The following SLC26A11 variants were observed in gnomAD, a reference collection of about 807,000 sequenced individuals.
The protein encoded by SLC26A11 is solute carrier family 26 member 11, also known as sodium-independent sulfate anion transporter.
In SLC26A11, 58 loss-of-function variants were observed where a neutral mutation model predicts 62.2. The observed-to-expected ratio is 0.93, with a 90% CI of 0.76 to 1.16. The LOEUF (loss-of-function observed/expected upper bound fraction) is 1.16, where lower values mean the gene tolerates loss of function less well. Among genes scored for constraint, SLC26A11 ranks in the 50% most tolerant of loss-of-function variants. SLC26A11 has a pLI of 0.00. For synonymous variants in SLC26A11, 411 were observed against 368.9 expected (o/e 1.11, Z -1.31); for missense variants, 790 against 794.3 (o/e 0.99, Z 0.06).
chr17:80,241,026 G>T (rs1050452545), intron 9 of SLC26A11, among the ~76,000 whole-genome samples: 1 of 151,318 alleles, frequency 6.6e-6, no homozygotes, highest in Non-Finnish European at 1.5e-5. Flanking sequence ...GATCACTTGA[G>T]CCCAGGAGGT....
In SLC26A11 at chr17:80,227,782, G is replaced by T. The variant is rs115142095; in HGVS notation, c.594-36G>T. 9.4e-3 allele frequency: 15,043 copies of T among 1,596,572 alleles called. 87 individuals carry two copies. The highest frequency in any genetic ancestry group is 0.012 in the Non-Finnish European group (13,605 of 1,175,156). On this transcript the variant is annotated intron_variant, in intron 6 of 17. Transcript: ENST00000361193. ...CTTGAGTCAGCAGTAGGCCTGGGCC[G>T]AGCTGGGTGGTGACCAGTCCTCTGC... is the stretch of plus-strand genomic sequence containing the variant.
In SLC26A11 at chr17:80,222,731, C is replaced by G. The variant is rs1234386670; in HGVS notation, c.311C>G (p.Pro104Arg). The G allele has an allele frequency of 2.5e-6, 4 of 1,614,048 alleles. No individual in the cohort carries two copies. In the Admixed American group the frequency reaches 5.0e-5, roughly 20 times the overall value. Residue 104 changes from proline (P) to arginine (R), a missense_variant, in exon 4 of 18, where the codon CCC becomes CGC. By Grantham distance (103) the Pro-to-Arg change is moderately radical (BLOSUM62 -2). Transcript: ENST00000361193. This position sits in a 1 kb window ranked among gnomAD's most constrained non-coding sequence, Gnocchi z 4.7. ...LGTSRDVTLG[P>R]TAIMSLLVSF... is the part of the protein sequence containing the mutation. Reference sequence around the variant, plus strand: ...ACCTCCCGGGATGTGACTCTGGGCCCCACCGCCATTATGTCCCTCCTGGTC... The same window carrying G: ...ACCTCCCGGGATGTGACTCTGGGCCGCACCGCCATTATGTCCCTCCTGGTC...
chr17:80,225,904 T>C lies in SLC26A11; in HGVS notation c.581T>C (p.Ile194Thr), dbSNP rs765881805. ...FLQVYHTFLR[I>T]AETRVGDAVL... Reference sequence around the variant, plus strand: ...CAGGTGTACCACACCTTCCTCAGGATTGCAGAGACCAGGTACCCCGGGCTT... The same window carrying C: ...CAGGTGTACCACACCTTCCTCAGGACTGCAGAGACCAGGTACCCCGGGCTT... The change falls in exon 6 of 18, where the codon ATT (isoleucine) becomes ACT (threonine). Residue 194 changes from isoleucine (I) to threonine (T), a missense_variant. Transcript: ENST00000361193. 11 of 1,613,832 alleles carry C rather than the reference T, an allele frequency of 6.8e-6. No individual in the cohort carries two copies. Among genetic ancestry groups the C allele is most frequent in the South Asian group, 3.3e-5 (3 of 91,078 alleles).
chr17:80,248,065 T>A, intron 13 of SLC26A11, 65 bp from the exon 14 acceptor site: 1 of 1,499,426 alleles, frequency 6.7e-7, no homozygotes, highest in Non-Finnish European at 8.9e-7. Context: ...GTCCCGCTGG[T>A]CAGCAGGGCC....
At chr17:80,247,448 C>T (rs1369699410) in intron 13 of SLC26A11, among the ~76,000 whole-genome samples, 21 of 152,152 alleles carry the variant, frequency 1.4e-4, no homozygotes, top group Non-Finnish European at 2.9e-4. Flanking sequence ...ACCTCCCGGA[C>T]GGGAGCAGTT....
chr17:80,246,167 G>A lies in SLC26A11; in HGVS notation c.1111G>A (p.Ala371Thr), dbSNP rs539743945. 1.9e-5 allele frequency: 31 copies of A among 1,613,176 alleles called. No individual in the cohort carries two copies. Among genetic ancestry groups the A allele is most frequent in the African/African-American group, 6.7e-5 (5 of 75,054 alleles). ...GTTGCCTTCCAGGACAGCCGTGAACGCTCAGTCGGGGGTGTGCACCCCGGC... is the reference window on the plus strand; with the variant it reads ...GTTGCCTTCCAGGACAGCCGTGAACACTCAGTCGGGGGTGTGCACCCCGGC... The part of the protein sequence containing the change: ...TGSFGRTAVN[A>T]QSGVCTPAGG... Residue 371 changes from alanine (A) to threonine (T), a missense_variant, in exon 12 of 18, where the codon GCT becomes ACT. Coordinates refer to ENST00000361193, the MANE Select transcript of SLC26A11 (RefSeq NM_001166347.2). The surrounding 1 kb of genome is among the most constrained non-coding windows in gnomAD (Gnocchi z 4.4).
At position 80,223,934 on chromosome 17, in the gene SLC26A11, A is replaced by G. The variant is rs1204378813; in HGVS notation, c.513+597A>G. Among the ~76,000 whole-genome samples, 1 of 152,186 alleles carries G rather than the reference A, an allele frequency of 6.6e-6. No individual in the cohort carries two copies. The highest frequency in any genetic ancestry group is 1.5e-5 in the Non-Finnish European group (1 of 68,034). On this transcript the variant is annotated intron_variant, in intron 5 of 17. Coordinates refer to ENST00000361193, the MANE Select transcript of SLC26A11 (RefSeq NM_001166347.2). The surrounding 1 kb of genome is among the most constrained non-coding windows in gnomAD (Gnocchi z 4.6). ...GGTAGGAACTGTCCTTCTCCCAGCCATGGCCGCCCAGCATTGGGCTGGTGC... is the reference window on the plus strand; with the variant it reads ...GGTAGGAACTGTCCTTCTCCCAGCCGTGGCCGCCCAGCATTGGGCTGGTGC...
chr17:80,225,851 A>G lies in SLC26A11; in HGVS notation c.528A>G (p.Leu176=). The change falls in exon 6 of 18, where the codon CTA becomes CTG. Residue 176 remains leucine (L), a synonymous_variant. Transcript: ENST00000361193. ...TGTTTGGACAGAACCTGCTGGGACT[A>G]CAGAACATCCCCAGGCCGTTCTTCC... ...GFGQIKNLLG[L]QNIPRPFFLQ... The G allele has an allele frequency of 6.2e-7, 1 of 1,613,936 alleles. No homozygotes were observed. The highest frequency in any genetic ancestry group is 8.5e-7 in the Non-Finnish European group (1 of 1,179,878).
Position 80,222,516 on chromosome 17 carries a change from C to T in SLC26A11, c.235-139C>T, listed in dbSNP as rs1248950366. The T allele has an allele frequency of 4.6e-6, 4 of 867,352 alleles. No homozygotes were observed. The highest frequency in any genetic ancestry group is 3.4e-5 in the African/African-American group (2 of 59,088). 53.7% of individuals were successfully genotyped at this position (867,352 alleles called of 1,614,324 possible). On this transcript the variant is annotated intron_variant, in intron 3 of 17. Coordinates refer to ENST00000361193, the MANE Select transcript of SLC26A11 (RefSeq NM_001166347.2). The surrounding 1 kb of genome is among the most constrained non-coding windows in gnomAD (Gnocchi z 4.7). ...GGCCTCCTGATCACTGCAGGTCCAC[C>T]CACAGGGCAGGGCGGTGCACCTTTA... is the stretch of plus-strand genomic sequence containing the variant.
intron 10 of SLC26A11, among the ~76,000 whole-genome samples, chr17:80,244,010 G>A (rs969877701): frequency 6.6e-6 from 1 of 152,166 alleles, no homozygotes; most frequent in Non-Finnish European, 1.5e-5. Flanking sequence ...GCCCTCCCAC[G>A]CCTGTATTTC....
chr17:80,234,207 G>A (rs1470710420), intron 7 of SLC26A11, among the ~76,000 whole-genome samples: 1 of 152,118 alleles, frequency 6.6e-6, no homozygotes, highest in African/African-American at 2.4e-5. Context: ...GTTTTGCCAT[G>A]TTGGCCAGGC....
intron 7 of SLC26A11, among the ~76,000 whole-genome samples, chr17:80,232,150 G>A (rs563485656): frequency 4.3e-4 from 66 of 152,006 alleles, no homozygotes; most frequent in African/African-American, 1.5e-3. Flanking sequence ...TTTTCTCTTG[G>A]AATGATACTT....
At chr17:80,238,298 A>C (rs1008480981) in intron 9 of SLC26A11, among the ~76,000 whole-genome samples, 2 of 152,204 alleles carry the variant, frequency 1.3e-5, no homozygotes, top group Non-Finnish European at 2.9e-5. Context: ...GGTGGCATTG[A>C]GCTGTGATAG....
At position 80,251,318 on chromosome 17, in the gene SLC26A11, C is replaced by G; in HGVS notation, c.1657-11C>G. On this transcript the variant is annotated splice_polypyrimidine_tract_variant and intron_variant, in intron 16 of 17. Transcript: ENST00000361193. ...CATCCCTGCCCTGGCTAAAGTCTGT[C>G]TGTCTCTCAGGTCCCCGTTCTCCGT... 1 of 1,614,068 alleles carries G rather than the reference C, an allele frequency of 6.2e-7. No individual in the cohort carries two copies. The highest frequency in any genetic ancestry group is 8.5e-7 in the Non-Finnish European group (1 of 1,179,966).
At chr17:80,239,077 A>ATT (rs111257231) in intron 9 of SLC26A11, among the ~76,000 whole-genome samples, 9 of 122,298 alleles carry the variant, frequency 7.4e-5, no homozygotes, top group Non-Finnish European at 1.1e-4. Context: ...CCTCCCAGTA[A>ATT]TTTTTTTTTT....
At position 80,253,048 on chromosome 17, in the gene SLC26A11, C is replaced by T. The variant is rs2043190655; in HGVS notation, c.*332C>T. ...TTCCAGCCCGGGCTGTGCGAGGCAT[C>T]CTGGGGCTGGCAGCACCTTCCCGGC... is the stretch of plus-strand genomic sequence containing the variant. On this transcript the variant is annotated 3_prime_UTR_variant, in exon 18 of 18. Coordinates refer to ENST00000361193, the MANE Select transcript of SLC26A11 (RefSeq NM_001166347.2). 2 of 180,408 alleles carry T rather than the reference C, an allele frequency of 1.1e-5. No individual in the cohort carries two copies. The highest frequency in any genetic ancestry group is 1.2e-4 in the Admixed American group (2 of 16,590). 11.2% of individuals were successfully genotyped at this position (180,408 alleles called of 1,614,324 possible). A position where few individuals can be genotyped will look rare whatever the true frequency, so the allele number is the denominator to read the frequency against.
intron 5 of SLC26A11, chr17:80,225,548 G>A (rs1416096596): frequency 3.0e-6 from 1 of 337,500 alleles, no homozygotes; most frequent in African/African-American, 2.1e-5. Context: ...CTGCTGTGGG[G>A]TCACCTACAT....
chr17:80,234,251 C>T (rs1358932799), intron 7 of SLC26A11, among the ~76,000 whole-genome samples: 1 of 152,108 alleles, frequency 6.6e-6, no homozygotes, highest in Non-Finnish European at 1.5e-5. Context: ...GTGATCCGCC[C>T]TCCTTGGCCT....
chr17:80,245,232 A>T lies in SLC26A11; in HGVS notation c.1073A>T (p.Tyr358Phe). ...ATGTTGGGCTCCCTCGTCTCCTCCTACCCGGTCACAGGCAGCTTTGGACGG... is the reference window on the plus strand; with the variant it reads ...ATGTTGGGCTCCCTCGTCTCCTCCTTCCCGGTCACAGGCAGCTTTGGACGG... ...TNMLGSLVSS[Y>F]PVTGSFGRTA... Residue 358 changes from tyrosine to phenylalanine, a missense_variant, in exon 11 of 18, where the codon TAC becomes TTC. Tyr to Phe is a conservative substitution (Grantham distance 22). Coordinates refer to ENST00000361193, the MANE Select transcript of SLC26A11 (RefSeq NM_001166347.2). 1 of 1,613,054 alleles carries T rather than the reference A, an allele frequency of 6.2e-7. No homozygotes were observed. Among genetic ancestry groups the T allele is most frequent in the Non-Finnish European group, 8.5e-7 (1 of 1,179,770 alleles).
Sources: allele counts gnomAD v4.1 joint callset (sites outside exome capture counted in the v4.1 genomes callset), GRCh38; gene constraint gnomAD v4.1.1; non-coding constraint Gnocchi (gnomAD v3.1); transcripts MANE v1.5; gene names NCBI Gene and HGNC (gene_info 2026-07-23, HGNC 2026-07-21).